Variants in GOLPH3L observed in about 807,000 individuals in gnomAD.
GOLPH3L encodes the protein golgi phosphoprotein 3 like.
GOLPH3L carries 22 observed loss-of-function variants against 30.3 expected under a neutral mutation model. That is an observed-to-expected ratio of 0.73 (90% CI 0.52 to 1.04). GOLPH3L has a LOEUF of 1.04. Among genes scored for constraint, GOLPH3L ranks in the 50% least tolerant of loss-of-function variants. The pLI is 0.00. For synonymous variants in GOLPH3L, 120 were observed against 128.2 expected (o/e 0.94, Z 0.43); for missense variants, 303 against 345.8 (o/e 0.88, Z 0.98).
intron 2 of GOLPH3L, among the ~76,000 whole-genome samples, chr1:150,683,552 A>AG (rs1315034454): frequency 4.0e-5 from 6 of 148,566 alleles, no homozygotes; most frequent in Non-Finnish European, 9.0e-5. Context: ...AAAAAAAAAA[A>AG]ATTAGCTGGG....
intron 2 of GOLPH3L, among the ~76,000 whole-genome samples, chr1:150,693,658 C>T (rs946476075): frequency 6.6e-6 from 1 of 151,036 alleles, no homozygotes; most frequent in Non-Finnish European, 1.5e-5. Flanking sequence ...GGTTATATCA[C>T]AAGACTCAGG....
In GOLPH3L at chr1:150,648,100, C is replaced by A. The variant is rs961705921; in HGVS notation, c.*221G>T. ...TTCATTGGGTGTGTGTGGCTTCACC[C>A]AGTTTATTTACCTATGGAGTGGAAG... On this transcript the variant is annotated 3_prime_UTR_variant, in exon 5 of 5. Transcript: ENST00000271732. 1 of 451,716 alleles carries A rather than the reference C, an allele frequency of 2.2e-6. No individual in the cohort carries two copies. The highest frequency in any genetic ancestry group is 3.2e-5 in the East Asian group (1 of 30,782). The allele number at this position is 451,716 out of a possible 1,614,324, so 28.0% of individuals were successfully genotyped here.
At chr1:150,674,489 C>T (rs2101802791) in intron 2 of GOLPH3L, among the ~76,000 whole-genome samples, 1 of 152,192 alleles carries the variant, frequency 6.6e-6, no homozygotes, top group East Asian at 1.9e-4. Flanking sequence ...TTTCGAACTC[C>T]TGACCTCAGG....
chr1:150,683,531 CAAAAAAA>C (rs35646727), intron 2 of GOLPH3L, among the ~76,000 whole-genome samples: 1 of 55,598 alleles, frequency 1.8e-5, no homozygotes, highest in African/African-American at 7.1e-5. Flanking sequence ...GACTCTGTCT[CAAAAAAA>C]AAAAAAAAAA....
intron 2 of GOLPH3L, among the ~76,000 whole-genome samples, chr1:150,673,984 C>T (rs1017901724): frequency 7.9e-5 from 12 of 151,726 alleles, no homozygotes; most frequent in Non-Finnish European, 1.3e-4. Flanking sequence ...AGTCTATCTC[C>T]CCACAACTCA....
At chr1:150,689,669 C>T (rs1371256843) in intron 2 of GOLPH3L, among the ~76,000 whole-genome samples, 2 of 152,046 alleles carry the variant, frequency 1.3e-5, no homozygotes, top group African/African-American at 4.8e-5. Flanking sequence ...TTTTTTGAGG[C>T]AGTCTTACTC....
intron 2 of GOLPH3L, among the ~76,000 whole-genome samples, chr1:150,675,044 A>C (rs773346165): frequency 1.4e-4 from 22 of 152,152 alleles, no homozygotes; most frequent in Non-Finnish European, 2.6e-4. Flanking sequence ...CGTCTGGCTA[A>C]TTAAAAAAAA....
intron 1 of GOLPH3L, among the ~76,000 whole-genome samples, chr1:150,695,212 C>T (rs1428865332): frequency 3.3e-5 from 5 of 152,168 alleles, no homozygotes; most frequent in African/African-American, 7.2e-5. Context: ...TGTTGGCTCA[C>T]TGCAACCTCC....
At chr1:150,673,796 C>T (rs1002798781) in intron 2 of GOLPH3L, among the ~76,000 whole-genome samples, 6 of 147,806 alleles carry the variant, frequency 4.1e-5, no homozygotes, top group Non-Finnish European at 9.0e-5. Flanking sequence ...TGGCCGGGTG[C>T]GTCTGTGGGT....
intron 2 of GOLPH3L, among the ~76,000 whole-genome samples, chr1:150,683,897 T>C (rs1651024118): frequency 1.3e-5 from 2 of 152,090 alleles, no homozygotes; most frequent in Admixed American, 1.3e-4. Context: ...CCTTTCTAAA[T>C]CATTGTTATG....
chr1:150,673,382 T>C (rs1162544376), intron 2 of GOLPH3L, among the ~76,000 whole-genome samples: 2 of 151,786 alleles, frequency 1.3e-5, no homozygotes, highest in East Asian at 3.9e-4. Flanking sequence ...GCCAACATAG[T>C]GAAACCCTGT....
chr1:150,674,881 G>C (rs1185931200), intron 2 of GOLPH3L, among the ~76,000 whole-genome samples: 1 of 151,636 alleles, frequency 6.6e-6, no homozygotes, highest in Non-Finnish European at 1.5e-5. Flanking sequence ...AAGAGAGTGA[G>C]ACCCTGTCTC....
At chr1:150,652,003 C>T (rs1013688739) in intron 4 of GOLPH3L, among the ~76,000 whole-genome samples, 1 of 152,060 alleles carries the variant, frequency 6.6e-6, no homozygotes, top group Non-Finnish European at 1.5e-5. Context: ...CAAAGAGACC[C>T]ATATCCAACA....
chr1:150,691,276 G>A (rs1651204939), intron 2 of GOLPH3L, among the ~76,000 whole-genome samples: 1 of 152,182 alleles, frequency 6.6e-6, no homozygotes, highest in Non-Finnish European at 1.5e-5. Context: ...CACTTTGGGA[G>A]GCCAAGTTGG....
intron 4 of GOLPH3L, among the ~76,000 whole-genome samples, chr1:150,650,117 T>C (rs1219556746): frequency 6.6e-6 from 1 of 152,094 alleles, no homozygotes; most frequent in African/African-American, 2.4e-5. Flanking sequence ...CCTCACTGAA[T>C]GTGGGGCAAA....
intron 2 of GOLPH3L, among the ~76,000 whole-genome samples, chr1:150,676,628 C>T (rs932740689): frequency 1.3e-5 from 2 of 149,876 alleles, no homozygotes; most frequent in Non-Finnish European, 3.0e-5. Flanking sequence ...GTATTTCATA[C>T]ATTCTATTTT....
rs1650000497 is a variant in GOLPH3L at position 150,647,351 on chromosome 1, G to C, written c.*970C>G. 1 of 152,218 alleles carries C rather than the reference G, an allele frequency of 6.6e-6. No homozygotes were observed. The highest frequency in any genetic ancestry group is 6.5e-5 in the Admixed American group (1 of 15,268). 9.4% of individuals were successfully genotyped at this position (152,218 alleles called of 1,614,324 possible). On this transcript the variant is annotated 3_prime_UTR_variant, in exon 5 of 5. Coordinates refer to ENST00000271732, the MANE Select transcript of GOLPH3L (RefSeq NM_018178.6). ...TGTCTAAAACAAACAAAAAAAAGCTGAGTATGGTGGCACGTGCCTGTAGTC... is the reference window on the plus strand; with the variant it reads ...TGTCTAAAACAAACAAAAAAAAGCTCAGTATGGTGGCACGTGCCTGTAGTC...
intron 2 of GOLPH3L, among the ~76,000 whole-genome samples, chr1:150,685,323 A>G (rs1457496776): frequency 6.6e-6 from 1 of 152,242 alleles, no homozygotes; most frequent in Non-Finnish European, 1.5e-5. Flanking sequence ...ACATTTGAAC[A>G]AGAAAGATAT....
At chr1:150,652,652 A>G (rs1395549795) in intron 4 of GOLPH3L, among the ~76,000 whole-genome samples, 1 of 152,120 alleles carries the variant, frequency 6.6e-6, no homozygotes, top group African/African-American at 2.4e-5. Flanking sequence ...ATAATTGGAT[A>G]CTTCATCTCA....
Sources: gnomAD v4.1 joint callset for allele counts (sites outside exome capture counted in the v4.1 genomes callset) on GRCh38, gnomAD v4.1.1 for gene constraint, MANE v1.5 for transcripts, NCBI Gene and HGNC (gene_info 2026-07-23, HGNC 2026-07-21) for gene names.